Variants in ZNF385D observed in about 807,000 individuals in gnomAD.
ZNF385D encodes zinc finger protein 385D, also known as zinc finger protein 659.
ZNF385D carries 15 observed loss-of-function variants against 35.8 expected under a neutral mutation model. The observed-to-expected ratio is 0.42, with a 90% CI of 0.28 to 0.64. The LOEUF (loss-of-function observed/expected upper bound fraction) is 0.64. Ranked by LOEUF, ZNF385D falls within the 30% of genes least tolerant of loss-of-function variation. The pLI is 0.23. For synonymous variants in ZNF385D, 212 were observed against 186.8 expected (o/e 1.13, Z -1.10); for missense variants, 474 against 494.6 (o/e 0.96, Z 0.39).
Position 21,957,970 on chromosome 3 carries a change from G to A in ZNF385D, c.325+210847C>T, listed in dbSNP as rs374800024. On this transcript the variant is annotated intron_variant, in intron 3 of 5. Coordinates refer to the ZNF385D transcript ENST00000494108. ...AAAACAGACAGTACTTGAAACAAAT[G>A]TATTCACATCAGCACCCTGCTTCTC... 5.3e-5 allele frequency among the ~76,000 whole-genome samples: 8 copies of A among 152,212 alleles called. No individual in the cohort carries two copies. The East Asian group carries it at 9.7e-4, about 18-fold the overall frequency.
chr3:21,530,806 G>A (rs1193886650), intron 3 of ZNF385D, among the ~76,000 whole-genome samples: 1 of 152,118 alleles, frequency 6.6e-6, no homozygotes, highest in Non-Finnish European at 1.5e-5. Context: ...CCACCTCTGA[G>A]AGAAGCGCAA....
chr3:22,170,645 A>G (rs1694347452), intron 2 of ZNF385D, among the ~76,000 whole-genome samples: 1 of 152,192 alleles, frequency 6.6e-6, no homozygotes, highest in Admixed American at 6.5e-5. Flanking sequence ...TTAAAAGAAA[A>G]TTTATAGACT....
chr3:22,328,035 T>C (rs962302599), intron 2 of ZNF385D, among the ~76,000 whole-genome samples: 1 of 152,198 alleles, frequency 6.6e-6, no homozygotes, highest in Admixed American at 6.5e-5. Flanking sequence ...TTTCTATTTG[T>C]TTTTCATTAC....
chr3:21,613,008 T>C (rs2064733193), intron 2 of ZNF385D, among the ~76,000 whole-genome samples: 2 of 135,562 alleles, frequency 1.5e-5, no homozygotes. Context: ...TTTTTTTTTT[T>C]CAAAACCAGG....
chr3:22,254,980 G>C (rs1210988118), intron 2 of ZNF385D, among the ~76,000 whole-genome samples: 1 of 151,820 alleles, frequency 6.6e-6, no homozygotes, highest in African/African-American at 2.4e-5. Flanking sequence ...CCAGGAGGAT[G>C]AAGCAGGATG....
chr3:22,095,784 A>G (rs1701590197), intron 3 of ZNF385D, among the ~76,000 whole-genome samples: 1 of 151,746 alleles, frequency 6.6e-6, no homozygotes, highest in Admixed American at 6.6e-5. Flanking sequence ...CTACTGTTCA[A>G]TAAAATTTAA....
chr3:21,937,701 C>T (rs1701326579), intron 3 of ZNF385D, among the ~76,000 whole-genome samples: 1 of 152,048 alleles, frequency 6.6e-6, no homozygotes, highest in African/African-American at 2.4e-5. Flanking sequence ...TGTTTCCCTA[C>T]AGCTTGATGT....
At chr3:21,862,344 A>AC (rs1430990005) in intron 3 of ZNF385D, among the ~76,000 whole-genome samples, 1 of 151,852 alleles carries the variant, frequency 6.6e-6, no homozygotes, top group East Asian at 2.0e-4. Flanking sequence ...AGTAAGTATA[A>AC]CACCTTTGAA....
chr3:21,429,602 A>G (rs1208072024), intron 5 of ZNF385D, among the ~76,000 whole-genome samples: 6 of 152,078 alleles, frequency 3.9e-5, no homozygotes, highest in African/African-American at 1.4e-4. Context: ...GAATATAACT[A>G]TTTTTAAGTC....
rs76878695 is a variant in ZNF385D, at chr3:22,343,371, C to T, written c.106+29079G>A. On this transcript the variant is annotated intron_variant, in intron 2 of 5. Coordinates refer to the ZNF385D transcript ENST00000494108. ...GTCCACACATACTTCCTCTTTATTT[C>T]CAGGACCAAGAGTTGAACAAGTGAC... 6.9e-3 allele frequency among the ~76,000 whole-genome samples: 1,057 copies of T among 152,348 alleles called. 42 individuals are homozygous for T. The highest frequency in any genetic ancestry group is 0.058 in the Admixed American group (882 of 15,306).
chr3:21,629,555 C>G (rs187167724), intron 2 of ZNF385D, among the ~76,000 whole-genome samples: 2 of 152,282 alleles, frequency 1.3e-5, no homozygotes, highest in Admixed American at 1.3e-4. Context: ...CTTAATCAGG[C>G]ACATACTCTT....
chr3:21,830,649 C>T (rs1226807921), intron 3 of ZNF385D, among the ~76,000 whole-genome samples: 2 of 152,198 alleles, frequency 1.3e-5, no homozygotes, highest in Non-Finnish European at 1.5e-5. Context: ...ACCACATCTT[C>T]CTCACAGTAT....
At chr3:22,015,341 T>C (rs535366564) in intron 3 of ZNF385D, among the ~76,000 whole-genome samples, 10 of 152,278 alleles carry the variant, frequency 6.6e-5, no homozygotes, top group Admixed American at 5.2e-4. Context: ...CTATGCACCA[T>C]AATGCATCAT....
chr3:21,682,242 A>G lies in ZNF385D; in HGVS notation c.23-17214T>C, dbSNP rs913850453. Among the ~76,000 whole-genome samples, 8 of 136,014 alleles carry G rather than the reference A, an allele frequency of 5.9e-5. 1 individual carries two copies. The highest frequency in any genetic ancestry group is 2.0e-4 in the African/African-American group (8 of 39,044). 89.2% of individuals were successfully genotyped at this position (136,014 alleles called of 152,430 possible). ...GCTTTGTCCTTTTAAGTTAGAAGCC[A>G]GAAAGATTGGCTAAGTATGTTGAAA... On this transcript the variant is annotated intron_variant, in intron 1 of 7. Transcript: ENST00000281523.
At chr3:21,573,578 T>A (rs963256613) in intron 2 of ZNF385D, among the ~76,000 whole-genome samples, 1 of 151,986 alleles carries the variant, frequency 6.6e-6, no homozygotes, top group Non-Finnish European at 1.5e-5. Context: ...CAACAAATGG[T>A]CAAAAAGCTA....
Position 21,719,577 on chromosome 3 carries a change from C to T in ZNF385D, c.22+31318G>A, listed in dbSNP as rs2068455514. Among the ~76,000 whole-genome samples, 10 of 152,184 alleles carry T rather than the reference C, an allele frequency of 6.6e-5. No individual in the cohort carries two copies. In the South Asian group the frequency reaches 2.1e-3, roughly 31 times the overall value. On this transcript the variant is annotated intron_variant, in intron 1 of 7. Coordinates refer to ENST00000281523, the MANE Select transcript of ZNF385D (RefSeq NM_024697.3). ...CACCCCTGGGTAGAGATTTAAGATG[C>T]TAATGAGACATATGACGTATGAACA...
intron 3 of ZNF385D, among the ~76,000 whole-genome samples, chr3:21,908,872 G>A (rs1699824903): frequency 6.6e-6 from 1 of 152,002 alleles, no homozygotes; most frequent in African/African-American, 2.4e-5. Context: ...AATTTCAGCT[G>A]TTAAAAATGT....
intron 3 of ZNF385D, among the ~76,000 whole-genome samples, chr3:22,137,189 G>C (rs537413841): frequency 6.6e-6 from 1 of 152,144 alleles, no homozygotes; most frequent in East Asian, 1.9e-4. Context: ...CTTAAGAATA[G>C]TTCATTAAAA....
intron 3 of ZNF385D, among the ~76,000 whole-genome samples, chr3:21,787,050 G>C (rs915407176): frequency 2.0e-5 from 3 of 152,152 alleles, no homozygotes; most frequent in African/African-American, 7.2e-5. Flanking sequence ...TAATCAATGA[G>C]AGCATAGTAA....
Sources: gnomAD v4.1 joint callset for allele counts (sites outside exome capture counted in the v4.1 genomes callset) on GRCh38, gnomAD v4.1.1 for gene constraint, MANE v1.5 for transcripts, NCBI Gene and HGNC (gene_info 2026-07-23, HGNC 2026-07-21) for gene names.